TRIM64C: variants seen among roughly 807,000 people sequenced by gnomAD.
TRIM64C encodes the protein tripartite motif-containing protein 64C.
In TRIM64C, 25 loss-of-function variants were observed where a neutral mutation model predicts 36.1. That is an observed-to-expected ratio of 0.69 (90% CI 0.51 to 0.97). The LOEUF (loss-of-function observed/expected upper bound fraction) is 0.97. TRIM64C is among the 50% of genes least tolerant of loss of function. The pLI is 0.00. For missense variants in TRIM64C, 489 were observed against 536.8 expected (o/e 0.91, Z 0.88); for synonymous variants, 212 against 185.7 (o/e 1.14, Z -1.15).
At chr11:49,054,363 A>G (rs749384892) in intron 5 of TRIM64C, among the ~76,000 whole-genome samples, 156 bp from the exon 6 acceptor site, 6 of 152,244 alleles carry the variant, frequency 3.9e-5, no homozygotes, top group African/African-American at 1.4e-4. Flanking sequence ...AAATGTTATT[A>G]TACCTCTACA....
rs1565097365 is a variant in TRIM64C, at chr11:49,053,975, T to C, written c.1092A>G (p.Ala364=). 6.4e-7 allele frequency: 1 copy of C among 1,551,614 alleles called. No individual in the cohort carries two copies. Among genetic ancestry groups the C allele is most frequent in the East Asian group, 2.4e-5 (1 of 40,932 alleles). The change falls in exon 6 of 6, where the codon GCA becomes GCG. Residue 364 remains alanine, a synonymous_variant. Coordinates refer to ENST00000617704, the MANE Select transcript of TRIM64C (RefSeq NM_001206631.1). The stretch of plus-strand genomic sequence containing the variant: ...CAGAATCAATAACTATATTGGTATC[T>C]GCTGTCCTAGAATCTCGACAGACTC... The part of the protein sequence containing the change: ...ILGVCRDSRT[A]DTNIVIDSDK...
rs1434090260 is a variant in TRIM64C, at chr11:49,058,957, G to A, written c.156C>T (p.Cys52=). The A allele has an allele frequency of 1.3e-6, 2 of 1,551,324 alleles. No individual in the cohort carries two copies. Among genetic ancestry groups the A allele is most frequent in the Non-Finnish European group, 8.7e-7 (1 of 1,146,896 alleles). ...TCTCTGAGATTTTTCTGCACAAAGG[G>A]CAGCGCATTGGTGCTCTGCCTTCTT... ...CSEEGRAPMR[C]PLCRKISEKP... The change falls in exon 1 of 6, where the codon TGC becomes TGT. Residue 52 remains cysteine, a synonymous_variant. Coordinates refer to ENST00000617704, the MANE Select transcript of TRIM64C (RefSeq NM_001206631.1).
chr11:49,055,514 G>T, intron 4 of TRIM64C, 107 bp from the exon 5 acceptor site: 2 of 1,433,954 alleles, frequency 1.4e-6, no homozygotes, highest in South Asian at 1.3e-5. Flanking sequence ...GAATTCTGCC[G>T]GTTTTGGTTA....
At chr11:49,056,043 C>A (rs1854809806) in intron 4 of TRIM64C, among the ~76,000 whole-genome samples, 1 of 151,742 alleles carries the variant, frequency 6.6e-6, no homozygotes, top group Admixed American at 6.6e-5. Context: ...AACCTCCCAC[C>A]CCTCTAGAGT....
At chr11:49,056,102 G>T (rs1854810502) in intron 4 of TRIM64C, among the ~76,000 whole-genome samples, 2 of 148,908 alleles carry the variant, frequency 1.3e-5, no homozygotes, top group South Asian at 4.2e-4. Flanking sequence ...TAAGATCTCT[G>T]GGGTAGGGCT....
At position 49,058,776 on chromosome 11, in the gene TRIM64C, G is replaced by T. The variant is rs1854845804; in HGVS notation, c.337C>A (p.Pro113Thr). Residue 113 changes from proline to threonine, a missense_variant, in exon 1 of 6, where the codon CCC (proline) becomes ACC (threonine). By Grantham distance (38) the Pro-to-Thr change is conservative. Coordinates refer to ENST00000617704, the MANE Select transcript of TRIM64C (RefSeq NM_001206631.1). ...CEADKRLLCG[P>T]CSESPEHMAH... The stretch of plus-strand genomic sequence containing the variant: ...ATGTGCTCTGGTGACTCAGAGCAGG[G>T]CCCACAGAGCAATCTCTTGTCAGCC... The T allele has an allele frequency of 4.5e-6, 7 of 1,548,644 alleles. No homozygotes were observed. The highest frequency in any genetic ancestry group is 1.4e-5 in the African/African-American group (1 of 72,680).
rs1441608102 is a variant in TRIM64C, at chr11:49,059,053, G to T, written c.60C>A (p.Asn20Lys). The part of the protein sequence containing the change: ...QNELICCICV[N>K]YFIDPVTTDC... ...CAGTGGTGACCGGGTCTATGAAGTA[G>T]TTCACGCAAATGCAGCAAATGAGCT... The change falls in exon 1 of 6, where the codon AAC becomes AAA. Residue 20 changes from asparagine (N) to lysine (K), a missense_variant. Physicochemically the swap from Asn to Lys is moderately conservative, Grantham distance 94 (BLOSUM62 0). Coordinates refer to ENST00000617704, the MANE Select transcript of TRIM64C (RefSeq NM_001206631.1). 1 of 1,552,152 alleles carries T rather than the reference G, an allele frequency of 6.4e-7. No individual in the cohort carries two copies. The highest frequency in any genetic ancestry group is 2.0e-5 in the Admixed American group (1 of 51,236).
At chr11:49,058,663 G>T in intron 1 of TRIM64C, 38 bp downstream of exon 1, 1 of 1,537,918 alleles carries the variant, frequency 6.5e-7, no homozygotes, top group Non-Finnish European at 8.7e-7. Flanking sequence ...ATTCTTATTT[G>T]ATATTCTGTA....
chr11:49,055,963 A>G (rs181250143), intron 4 of TRIM64C, among the ~76,000 whole-genome samples: 1 of 151,634 alleles, frequency 6.6e-6, no homozygotes, highest in Admixed American at 6.6e-5. Flanking sequence ...TGATGCTTTT[A>G]GGAACAAAAC....
chr11:49,058,742 C>CT lies in TRIM64C; in HGVS notation c.370dup (p.Ser124LysfsTer10), dbSNP rs1854845408. 6.5e-7 allele frequency: 1 copy of CT among 1,547,726 alleles called. No homozygotes were observed. The highest frequency in any genetic ancestry group is 1.4e-5 in the African/African-American group (1 of 72,590). ...AGCAGCCCATCCTATTGGGCTGTGG[C>CT]TGTGAGCCATGTGCTCTGGTGACTC... On this transcript the variant is annotated frameshift_variant, in exon 1 of 6. Transcript: ENST00000617704. LOFTEE classifies it high-confidence loss of function.
At position 49,058,806 on chromosome 11, in the gene TRIM64C, A is replaced by G. The variant is rs1234243030; in HGVS notation, c.307T>C (p.Cys103Arg). 34 of 1,549,052 alleles carry G rather than the reference A, an allele frequency of 2.2e-5. No individual in the cohort carries two copies. Among genetic ancestry groups the G allele is most frequent in the Non-Finnish European group, 2.9e-5 (33 of 1,146,826 alleles). The change falls in exon 1 of 6, where the codon TGT (cysteine) becomes CGT (arginine). Residue 103 changes from cysteine (C) to arginine (R), a missense_variant. Transcript: ENST00000617704. ...CAGAGCAATCTCTTGTCAGCCTCAC[A>G]GAAGAGCTCCTTAGTCTCCTCATGG... Reference protein sequence around the residue: ...VLHEETKELFCEADKRLLCGP... With the variant: ...VLHEETKELFREADKRLLCGP...
In TRIM64C at chr11:49,055,358, T is replaced by G; in HGVS notation, c.811A>C (p.Thr271Pro). 1 of 1,535,562 alleles carries G rather than the reference T, an allele frequency of 6.5e-7. No individual in the cohort carries two copies. The highest frequency in any genetic ancestry group is 8.7e-7 in the Non-Finnish European group (1 of 1,146,830). ...PKPQPVNPEL[T>P]SWCITGVLDM... Reference sequence around the variant, plus strand: ...AGGACTCCAGTTATGCACCATGAAGTGAGCTCTGGGTTCACTGGCTGGGGC... The same window carrying G: ...AGGACTCCAGTTATGCACCATGAAGGGAGCTCTGGGTTCACTGGCTGGGGC... The change falls in exon 5 of 6, where the codon ACT becomes CCT. Residue 271 changes from threonine to proline, a missense_variant. Coordinates refer to ENST00000617704, the MANE Select transcript of TRIM64C (RefSeq NM_001206631.1).
rs369009222 is a variant in TRIM64C, at chr11:49,057,389, G to A, written c.508-11C>T. On this transcript the variant is annotated splice_polypyrimidine_tract_variant and intron_variant, in intron 2 of 5. Coordinates refer to ENST00000617704, the MANE Select transcript of TRIM64C (RefSeq NM_001206631.1). ...TAATGACACATAGTCCTGCAGAGAC[G>A]TTTGGTTAAAAGGATTACATGTTCT... 1.1e-4 allele frequency: 178 copies of A among 1,549,088 alleles called. 1 individual carries two copies. The highest frequency in any genetic ancestry group is 6.6e-4 in the South Asian group (55 of 83,940).
chr11:49,055,201 T>C (rs1854798593), intron 5 of TRIM64C, 109 bp downstream of exon 5: 5 of 1,362,564 alleles, frequency 3.7e-6, no homozygotes, highest in Non-Finnish European at 5.0e-6. Flanking sequence ...TGGAAAACTA[T>C]GTATTACCTA....
chr11:49,054,187 C>T lies in TRIM64C; in HGVS notation c.880G>A (p.Glu294Lys), dbSNP rs370946399. 3.3e-5 allele frequency: 51 copies of T among 1,551,360 alleles called. No individual in the cohort carries two copies. Among genetic ancestry groups the T allele is most frequent in the African/African-American group, 2.6e-4 (19 of 73,032 alleles). ...NFRVDNALST[E>K]MTPCYISLSE... ...AGGCTTATATAGCAAGGAGTCATTT[C>T]TGTACTCAGAGCATTATCCACTGAC... Residue 294 changes from glutamate to lysine, a missense_variant, in exon 6 of 6, where the codon GAA (glutamate) becomes AAA (lysine). Transcript: ENST00000617704.
intron 2 of TRIM64C, chr11:49,057,726 A>AT (rs1229330518): frequency 5.9e-5 from 28 of 475,222 alleles, no homozygotes; most frequent in Admixed American, 9.1e-5. Context: ...ATTATGCAGT[A>AT]TTTTTTTACT....
At position 49,056,367 on chromosome 11, in the gene TRIM64C, T is replaced by C. The variant is rs1292913982; in HGVS notation, c.753A>G (p.Ile251Met). ...DVELLQDVGNISARTDLAQMP... is the reference protein window; with the variant it reads ...DVELLQDVGNMSARTDLAQMP... ...TTTTAGTGTAAACTCACCTTGCCGA[T>C]ATATTTCCCACATCCTGCAAAAAAA... Residue 251 changes from isoleucine to methionine, a missense_variant, in exon 4 of 6, where the codon ATA (isoleucine) becomes ATG (methionine). Physicochemically the swap from Ile to Met is conservative, Grantham distance 10 (BLOSUM62 1). Coordinates refer to ENST00000617704, the MANE Select transcript of TRIM64C (RefSeq NM_001206631.1). The C allele has an allele frequency of 1.3e-6, 2 of 1,543,000 alleles. No individual in the cohort carries two copies. Among genetic ancestry groups the C allele is most frequent in the African/African-American group, 2.8e-5 (2 of 71,976 alleles).
rs977884035 is a variant in TRIM64C, at chr11:49,055,307, T to C, written c.859+3A>G. The C allele has an allele frequency of 3.3e-6, 5 of 1,535,732 alleles. No individual in the cohort carries two copies. In the African/African-American group the frequency reaches 6.8e-5, roughly 21 times the overall value. ...GCTGGACTGCCAAGCAGCTGGCTCT[T>C]GCCTCTGAAGTTGTTGAGCATGTCT... On this transcript the variant is annotated splice_donor_region_variant and intron_variant, in intron 5 of 5. Transcript: ENST00000617704.
rs1451803396 is a variant in TRIM64C, at chr11:49,054,163, G to A, written c.904C>T (p.Leu302Phe). 1.3e-6 allele frequency: 2 copies of A among 1,551,518 alleles called. No individual in the cohort carries two copies. The highest frequency in any genetic ancestry group is 4.9e-5 in the East Asian group (2 of 40,922). The change falls in exon 6 of 6, where the codon CTT becomes TTT. Residue 302 changes from leucine (L) to phenylalanine (F), a missense_variant. Coordinates refer to ENST00000617704, the MANE Select transcript of TRIM64C (RefSeq NM_001206631.1). ...ATCACACGTCTCACATCCTCAGAAA[G>A]GCTTATATAGCAAGGAGTCATTTCT... ...STEMTPCYIS[L>F]SEDVRRVIFG...
Sources: allele counts gnomAD v4.1 joint callset (sites outside exome capture counted in the v4.1 genomes callset), GRCh38; gene constraint gnomAD v4.1.1; transcripts MANE v1.5; gene names NCBI Gene and HGNC (gene_info 2026-07-23, HGNC 2026-07-21).